The following IQCK variants were observed in gnomAD, a reference collection of about 807,000 sequenced individuals.
IQCK encodes IQ domain-containing protein K.
Under a neutral mutation model 28.1 loss-of-function variants are expected in IQCK, and 29 were observed. The ratio of observed to expected loss-of-function variants is 1.03; its 90% confidence interval spans 0.77 to 1.41. IQCK has a LOEUF of 1.41. Among genes scored for constraint, IQCK ranks in the 40% most tolerant of loss-of-function variants. The probability of loss-of-function intolerance (pLI) is 0.00; values close to 1 mark genes in which losing one functional copy is unlikely to be tolerated. For synonymous variants in IQCK, 113 were observed against 115.1 expected (o/e 0.98, Z 0.12); for missense variants, 359 against 314.7 (o/e 1.14, Z -1.07).
At chr16:19,809,981 G>A (rs945217045) in intron 7 of IQCK, among the ~76,000 whole-genome samples, 4 of 152,136 alleles carry the variant, frequency 2.6e-5, no homozygotes, top group African/African-American at 7.2e-5. Context: ...ACACCAGGGC[G>A]GCGATAACAA....
At chr16:19,771,349 C>T (rs2055318634) in intron 6 of IQCK, among the ~76,000 whole-genome samples, 1 of 152,172 alleles carries the variant, frequency 6.6e-6, no homozygotes, top group Non-Finnish European at 1.5e-5. Flanking sequence ...GCCTTGGCCT[C>T]CCAAAGTGCT....
intron 9 of IQCK, among the ~76,000 whole-genome samples, chr16:19,849,662 T>C (rs1188795406): frequency 6.6e-6 from 1 of 151,558 alleles, no homozygotes; most frequent in Non-Finnish European, 1.5e-5. Context: ...CTTGGGAGGC[T>C]GAGGCAGGAG....
downstream of IQCK, among the ~76,000 whole-genome samples, chr16:19,827,945 T>G (rs920119597): frequency 1.3e-5 from 2 of 152,012 alleles, no homozygotes; most frequent in African/African-American, 4.8e-5. Flanking sequence ...AGAGTCTCAC[T>G]CTGTTCGCCC....
At chr16:19,761,394 G>A (rs2055140433) in intron 4 of IQCK, 3 of 455,796 alleles carry the variant, frequency 6.6e-6, no homozygotes, top group South Asian at 4.6e-5. Flanking sequence ...CCTGGTTTAT[G>A]TGAACCATGA....
At chr16:19,747,876 A>G (rs1597515184) in intron 4 of IQCK, among the ~76,000 whole-genome samples, 1 of 152,188 alleles carries the variant, frequency 6.6e-6, no homozygotes, top group Admixed American at 6.6e-5. Context: ...GTCACACTGC[A>G]AAGTGCAGAT....
intron 6 of IQCK, among the ~76,000 whole-genome samples, chr16:19,766,439 C>G (rs150845599): frequency 6.6e-6 from 1 of 152,168 alleles, no homozygotes; most frequent in Admixed American, 6.5e-5. Flanking sequence ...TGGTTGGTGC[C>G]CAGATTTGGT....
intron 6 of IQCK, among the ~76,000 whole-genome samples, chr16:19,774,556 G>C (rs143310594): frequency 6.6e-6 from 1 of 151,756 alleles, no homozygotes; most frequent in Non-Finnish European, 1.5e-5. Flanking sequence ...ATTTTTTGTA[G>C]ATTTCACCAC....
chr16:19,765,470 A>G (rs1052641719), intron 6 of IQCK, among the ~76,000 whole-genome samples: 8 of 151,824 alleles, frequency 5.3e-5, no homozygotes, highest in African/African-American at 1.9e-4. Context: ...CCCGGGTGGT[A>G]GAGGTTGCAG....
At chr16:19,729,450 G>A (rs112811311) in intron 1 of IQCK, among the ~76,000 whole-genome samples, 4,591 of 151,748 alleles carry the variant, frequency 0.03, 212 homozygotes, top group African/African-American at 0.1. Flanking sequence ...TGTGCTCTCG[G>A]TGTCTTCCCT....
At chr16:19,831,304 G>A (rs1469060618), downstream of IQCK, among the ~76,000 whole-genome samples, 1 of 152,168 alleles carries the variant, frequency 6.6e-6, no homozygotes, top group African/African-American at 2.4e-5. Flanking sequence ...GGTTCTTGCT[G>A]TTTATGTTTT....
At chr16:19,826,948 G>T in intron 7 of IQCK, 78 bp from the exon 8 acceptor site, 1 of 911,774 alleles carries the variant, frequency 1.1e-6, no homozygotes, top group Non-Finnish European at 1.8e-6. Flanking sequence ...GTTTGTAAAG[G>T]ATTTTCCATG....
intron 7 of IQCK, among the ~76,000 whole-genome samples, chr16:19,812,584 C>CA (rs1197837021): frequency 1.3e-5 from 2 of 151,820 alleles, no homozygotes; most frequent in Admixed American, 6.6e-5. Context: ...TGATCTTTTA[C>CA]AAAAAAACAG....
intron 7 of IQCK, among the ~76,000 whole-genome samples, chr16:19,820,009 A>G (rs2056046820): frequency 6.6e-6 from 1 of 152,198 alleles, no homozygotes. Context: ...CCTCTTCAAC[A>G]AATGGCTCTG....
downstream of IQCK, among the ~76,000 whole-genome samples, chr16:19,831,984 T>C (rs1397984273): frequency 6.6e-6 from 1 of 152,176 alleles, no homozygotes; most frequent in Non-Finnish European, 1.5e-5. Context: ...GGAATTATTT[T>C]AAAACGTGTA....
chr16:19,759,796 A>G (rs969281938), intron 4 of IQCK, among the ~76,000 whole-genome samples: 2 of 152,146 alleles, frequency 1.3e-5, no homozygotes, highest in African/African-American at 4.8e-5. Context: ...TAGGCAACAT[A>G]GTGAGACCTC....
intron 1 of IQCK, among the ~76,000 whole-genome samples, chr16:19,728,608 G>C (rs1977732760): frequency 1.3e-5 from 2 of 152,142 alleles, no homozygotes; most frequent in Non-Finnish European, 2.9e-5. Context: ...GCTTGGAAAA[G>C]TATCCCAACC....
rs187041130 is a variant in IQCK, at chr16:19,857,733, C to T, written c.*1185C>T. On this transcript the variant is annotated 3_prime_UTR_variant, in exon 10 of 10. Transcript: ENST00000320394. Reference sequence around the variant, plus strand: ...TTCACCCTTGTTCAGTGGGTCCTGACGGCATCTGGGCTAAAAAAAAAAAAA... The same window carrying T: ...TTCACCCTTGTTCAGTGGGTCCTGATGGCATCTGGGCTAAAAAAAAAAAAA... 3.6e-4 allele frequency: 52 copies of T among 144,706 alleles called. 1 individual carries two copies. The East Asian group carries it at 7.4e-3, about 21-fold the overall frequency. The allele number at this position is 144,706 out of a possible 1,614,324, so 9.0% of individuals were successfully genotyped here. A position where few individuals can be genotyped will look rare whatever the true frequency, so the allele number is the denominator to read the frequency against.
chr16:19,840,305 A>G (rs894413338), intron 9 of IQCK, among the ~76,000 whole-genome samples: 24 of 152,066 alleles, frequency 1.6e-4, no homozygotes, highest in Non-Finnish European at 2.4e-4. Context: ...GCAGTGAGCC[A>G]AGATCGCACC....
chr16:19,841,955 C>T (rs1315309108), intron 9 of IQCK, among the ~76,000 whole-genome samples: 1 of 151,990 alleles, frequency 6.6e-6, no homozygotes, highest in African/African-American at 2.4e-5. Flanking sequence ...AGGCAATTCT[C>T]CTGCCTCAGC....
Sources: gnomAD v4.1 joint callset for allele counts (sites outside exome capture counted in the v4.1 genomes callset) on GRCh38, gnomAD v4.1.1 for gene constraint, MANE v1.5 for transcripts, NCBI Gene and HGNC (gene_info 2026-07-23, HGNC 2026-07-21) for gene names.